Variants in LGSN observed in about 807,000 individuals in gnomAD.
LGSN encodes lengsin, lens protein with glutamine synthetase domain.
In LGSN, 21 loss-of-function variants were observed where a neutral mutation model predicts 19.5. That is an observed-to-expected ratio of 1.07 (90% CI 0.76 to 1.55). The LOEUF is 1.55. LGSN is among the 40% of genes most tolerant of loss of function. LGSN has a pLI of 0.00. For synonymous variants in LGSN, 257 were observed against 215.6 expected (o/e 1.19, Z -1.68); for missense variants, 673 against 608.5 (o/e 1.11, Z -1.12).
At chr6:63,512,668 G>A in the LGSN span, among the ~76,000 whole-genome samples, 1 of 152,074 alleles carries the variant, frequency 6.6e-6, no homozygotes, top group Admixed American at 6.6e-5. Flanking sequence ...GACTGCAGAG[G>A]GGTCTATCTT....
the LGSN span, among the ~76,000 whole-genome samples, chr6:63,407,208 C>T: frequency 9.2e-5 from 14 of 151,862 alleles, no homozygotes; most frequent in Non-Finnish European, 1.9e-4. Flanking sequence ...ATACCAAAGC[C>T]GGGCAGAGAC....
the LGSN span, among the ~76,000 whole-genome samples, chr6:63,530,157 C>T: frequency 6.6e-6 from 1 of 151,974 alleles, no homozygotes; most frequent in African/African-American, 2.4e-5. Flanking sequence ...TGGAACCATC[C>T]AAAATGATAT....
chr6:63,489,003 T>A, the LGSN span, among the ~76,000 whole-genome samples: 1 of 152,148 alleles, frequency 6.6e-6, no homozygotes, highest in South Asian at 2.1e-4. Flanking sequence ...AAACTGGCAA[T>A]CCATAACAAA....
chr6:63,549,647 C>G, the LGSN span: 1 of 476,134 alleles, frequency 2.1e-6, no homozygotes. Flanking sequence ...GGAATCCTGT[C>G]ATTGGCAGTA....
At chr6:63,345,108 CA>C in the LGSN span, among the ~76,000 whole-genome samples, 5,386 of 150,106 alleles carry the variant, frequency 0.036, 314 homozygotes, top group African/African-American at 0.12. Flanking sequence ...CATTATCCCA[CA>C]AAAAAAAATA....
intron 1 of LGSN, among the ~76,000 whole-genome samples, chr6:63,318,206 T>C (rs1309306402): frequency 6.6e-6 from 1 of 152,186 alleles, no homozygotes; most frequent in East Asian, 1.9e-4. Context: ...TGACAAAGAA[T>C]TTCTTCAGAC....
the LGSN span, among the ~76,000 whole-genome samples, chr6:63,389,568 G>C: frequency 6.6e-6 from 1 of 152,186 alleles, no homozygotes; most frequent in African/African-American, 2.4e-5. Context: ...CTTAAGGAAA[G>C]CATGGCTTCT....
chr6:63,389,627 C>T, the LGSN span, among the ~76,000 whole-genome samples: 2 of 152,148 alleles, frequency 1.3e-5, no homozygotes, highest in Non-Finnish European at 2.9e-5. Context: ...TATCTGTATA[C>T]AAAACTCTTG....
At chr6:63,414,238 C>CA in the LGSN span, among the ~76,000 whole-genome samples, 471 of 145,792 alleles carry the variant, frequency 3.2e-3, 1 homozygote, top group African/African-American at 0.011. Flanking sequence ...CCTGAGGTGC[C>CA]AAAAAAAAAA....
At chr6:63,315,870 T>A in intron 1 of LGSN, among the ~76,000 whole-genome samples, 1 of 148,918 alleles carries the variant, frequency 6.7e-6, no homozygotes, top group Non-Finnish European at 1.5e-5. Context: ...GAAATCCAGG[T>A]CTTAAAAAAA....
chr6:63,359,746 G>A, the LGSN span, among the ~76,000 whole-genome samples: 20,150 of 151,932 alleles, frequency 0.13, 2,963 homozygotes, highest in African/African-American at 0.36. Context: ...TAGTCTTGCT[G>A]GTGGTCTATC....
rs115545357 is a variant in LGSN at position 63,285,921 on chromosome 6, G to A, written c.164-168C>T. Among the ~76,000 whole-genome samples the A allele has an allele frequency of 3.0e-3, 454 of 152,130 alleles. 3 individuals are homozygous for A. Among genetic ancestry groups the A allele is most frequent in the African/African-American group, 0.01 (427 of 41,498 alleles). ...TTACCTTTCTTATTCTGCCTTTACC[G>A]TCTTCCCAAGAACACTGTGTCTAAA... is the stretch of plus-strand genomic sequence containing the variant. On this transcript the variant is annotated intron_variant, in intron 2 of 3. Transcript: ENST00000370657.
chr6:63,324,835 T>C (rs576265143), upstream of LGSN, among the ~76,000 whole-genome samples: 434 of 149,868 alleles, frequency 2.9e-3, 2 homozygotes, highest in African/African-American at 0.01. Flanking sequence ...AGGCTGCACA[T>C]GGTGGCTCAT....
chr6:63,320,375 A>G (rs1769041949), upstream of LGSN, among the ~76,000 whole-genome samples: 1 of 152,222 alleles, frequency 6.6e-6, no homozygotes, highest in Non-Finnish European at 1.5e-5. Flanking sequence ...AAATACAGCT[A>G]TAAGTGACCC....
the LGSN span, among the ~76,000 whole-genome samples, chr6:63,566,461 G>A: frequency 2.0e-5 from 3 of 152,160 alleles, no homozygotes; most frequent in African/African-American, 7.2e-5. Flanking sequence ...AAGCTGGTTT[G>A]GGTTCAAGCC....
At chr6:63,444,168 T>C in the LGSN span, among the ~76,000 whole-genome samples, 7 of 152,262 alleles carry the variant, frequency 4.6e-5, no homozygotes, top group African/African-American at 1.7e-4. Flanking sequence ...GAGCTTTCAG[T>C]ATTCACTCAT....
At chr6:63,295,403 CT>C (rs1160034781) in intron 1 of LGSN, among the ~76,000 whole-genome samples, 1 of 152,034 alleles carries the variant, frequency 6.6e-6, no homozygotes, top group Non-Finnish European at 1.5e-5. Context: ...AAAAAGTTTA[CT>C]TTTTATGATT....
At chr6:63,333,506 T>A in the LGSN span, among the ~76,000 whole-genome samples, 4 of 114,076 alleles carry the variant, frequency 3.5e-5, no homozygotes, top group African/African-American at 1.0e-4. Flanking sequence ...AACAAAAGAA[T>A]GAAAGAACAA....
intron 1 of LGSN, among the ~76,000 whole-genome samples, chr6:63,309,858 C>T (rs1318533864): frequency 6.6e-6 from 1 of 152,176 alleles, no homozygotes; most frequent in Non-Finnish European, 1.5e-5. Context: ...AATTTCTAGC[C>T]ATTCTCTGTG....
Sources: allele counts gnomAD v4.1 joint callset (sites outside exome capture counted in the v4.1 genomes callset), GRCh38; gene constraint gnomAD v4.1.1; transcripts MANE v1.5; gene names NCBI Gene and HGNC (gene_info 2026-07-23, HGNC 2026-07-21).